Variants in PVT1 observed in about 807,000 individuals in gnomAD.
PVT1 encodes Pvt1 oncogene, also known as CXCR4/PVT1 fusion.
intron 2 of PVT1, among the ~76,000 whole-genome samples, chr8:127,881,430 T>TTA (rs1271228064): frequency 4.6e-5 from 6 of 129,616 alleles, no homozygotes; most frequent in East Asian, 5.2e-4. Context: ...AATATTATTG[T>TTA]TATTATATTA....
chr8:127,913,874 G>A (rs767521241), intron 3 of PVT1, among the ~76,000 whole-genome samples: 8 of 151,966 alleles, frequency 5.3e-5, no homozygotes, highest in Non-Finnish European at 1.0e-4. Flanking sequence ...AGGGGCTCCA[G>A]TGCCTCTCTA....
At chr8:127,871,048 T>G (rs1815346051) in intron 2 of PVT1, among the ~76,000 whole-genome samples, 1 of 152,218 alleles carries the variant, frequency 6.6e-6, no homozygotes, top group African/African-American at 2.4e-5. Context: ...GTCCTCCTGG[T>G]CTATATTCCA....
intron 2 of PVT1, among the ~76,000 whole-genome samples, chr8:127,848,534 T>G (rs1262912281): frequency 2.0e-5 from 3 of 150,986 alleles, no homozygotes; most frequent in African/African-American, 4.9e-5. Context: ...AAATACAAAA[T>G]TAGCCGGGCG....
At chr8:127,940,776 A>AT (rs1159707459) in intron 3 of PVT1, among the ~76,000 whole-genome samples, 9 of 151,944 alleles carry the variant, frequency 5.9e-5, no homozygotes, top group East Asian at 1.9e-4. Flanking sequence ...AATTTTTTGT[A>AT]TTTTTTGTAG....
chr8:128,033,110 T>TAAAA (rs1813413506), intron 4 of PVT1, among the ~76,000 whole-genome samples: 3 of 152,248 alleles, frequency 2.0e-5, no homozygotes, highest in Non-Finnish European at 4.4e-5. Context: ...AGCTTTGCTG[T>TAAAA]CGTCCTTACT....
At chr8:127,948,081 C>T (rs935783205) in intron 3 of PVT1, 7 of 377,510 alleles carry the variant, frequency 1.9e-5, no homozygotes, top group South Asian at 1.4e-4. Flanking sequence ...TAGCTTTCTT[C>T]TGCCAGCCCC....
chr8:127,900,888 C>T (rs1266548984), intron 3 of PVT1, among the ~76,000 whole-genome samples: 1 of 152,152 alleles, frequency 6.6e-6, no homozygotes. Context: ...CACTATATAC[C>T]TCTGCCAGTC....
At chr8:127,960,488 C>T (rs138031770) in intron 3 of PVT1, 96 of 289,758 alleles carry the variant, frequency 3.3e-4, no homozygotes, top group African/African-American at 2.0e-3. Flanking sequence ...AGTTAGGAAT[C>T]GACCTTCCTT....
At chr8:127,916,000 C>T (rs12548864) in intron 3 of PVT1, among the ~76,000 whole-genome samples, 41,261 of 152,236 alleles carry the variant, frequency 0.27, 6,761 homozygotes, top group Middle Eastern at 0.4. Flanking sequence ...CCACCCTGGC[C>T]ACTAGGCCAA....
At chr8:127,914,446 C>T (rs1433018172) in intron 3 of PVT1, among the ~76,000 whole-genome samples, 1 of 152,062 alleles carries the variant, frequency 6.6e-6, no homozygotes, top group African/African-American at 2.4e-5. Flanking sequence ...TATGACCCAG[C>T]AATTCCACTC....
chr8:128,052,907 A>G (rs944815758), intron 4 of PVT1, among the ~76,000 whole-genome samples: 2 of 152,276 alleles, frequency 1.3e-5, no homozygotes, highest in African/African-American at 4.8e-5. Context: ...CTATGAAGAC[A>G]GTAGATGGTA....
chr8:127,893,391 G>A (rs1013762221), intron 3 of PVT1, among the ~76,000 whole-genome samples: 7 of 151,984 alleles, frequency 4.6e-5, no homozygotes, highest in East Asian at 1.9e-4. Context: ...ATTCTTGTGC[G>A]TCAGCCTCCC....
intron 2 of PVT1, among the ~76,000 whole-genome samples, chr8:127,884,121 C>T (rs1213044623): frequency 3.3e-5 from 5 of 152,210 alleles, no homozygotes; most frequent in African/African-American, 9.7e-5. Flanking sequence ...ATCAATAGAA[C>T]ATTTCCAGCA....
At chr8:127,913,581 A>G (rs1367655346) in intron 3 of PVT1, among the ~76,000 whole-genome samples, 2 of 152,094 alleles carry the variant, frequency 1.3e-5, no homozygotes, top group African/African-American at 2.4e-5. Flanking sequence ...TCTGCATTCT[A>G]TGCCAAGTGT....
intron 3 of PVT1, among the ~76,000 whole-genome samples, chr8:127,980,674 G>T (rs1323629504): frequency 6.6e-6 from 1 of 152,072 alleles, no homozygotes; most frequent in Non-Finnish European, 1.5e-5. Flanking sequence ...TGCCCCATTG[G>T]CTTGGTGACT....
intron 3 of PVT1, among the ~76,000 whole-genome samples, chr8:127,923,277 C>T (rs1816087479): frequency 6.6e-6 from 1 of 152,204 alleles, no homozygotes; most frequent in Admixed American, 6.5e-5. Flanking sequence ...AGCAACTCTG[C>T]GAAGCAGACG....
intron 2 of PVT1, among the ~76,000 whole-genome samples, chr8:127,815,643 G>C (rs1360749958): frequency 6.6e-6 from 1 of 152,172 alleles, no homozygotes; most frequent in East Asian, 1.9e-4. Context: ...CAGGGGCGGA[G>C]GAGGCACAGG....
chr8:127,874,103 T>C (rs1336018884), intron 2 of PVT1, among the ~76,000 whole-genome samples: 1 of 151,960 alleles, frequency 6.6e-6, no homozygotes, highest in Non-Finnish European at 1.5e-5. Context: ...GGGGCGAGGG[T>C]TATGGAGAAA....
At chr8:127,936,927 G>T (rs556697353) in intron 3 of PVT1, among the ~76,000 whole-genome samples, 4 of 152,230 alleles carry the variant, frequency 2.6e-5, no homozygotes, top group Non-Finnish European at 5.9e-5. Flanking sequence ...GGAGGGACCG[G>T]CTGAAGCATA....
Sources: allele counts gnomAD v4.1 joint callset (sites outside exome capture counted in the v4.1 genomes callset), GRCh38; gene constraint gnomAD v4.1.1; transcripts MANE v1.5; gene names NCBI Gene and HGNC (gene_info 2026-07-23, HGNC 2026-07-21).